The following AKAP7 variants were observed in gnomAD, a reference collection of about 807,000 sequenced individuals.
AKAP7 encodes the protein A-kinase anchoring protein 7, also known as A kinase (PRKA) anchor protein 7.
Under a neutral mutation model 39.5 loss-of-function variants are expected in AKAP7, and 39 were observed. The observed-to-expected ratio is 0.99, with a 90% CI of 0.76 to 1.29. AKAP7 has a LOEUF of 1.29. AKAP7 is among the 50% of genes most tolerant of loss of function. The pLI, the probability that AKAP7 is intolerant of heterozygous loss-of-function variation, is 0.00. For missense variants in AKAP7, 414 were observed against 407.7 expected, an observed-to-expected ratio of 1.02 and a Z score of -0.13; for synonymous variants, 140 against 139.1, an observed-to-expected ratio of 1.01 and a Z score of -0.05.
chr6:131,235,719 G>T (rs1243488980), intron 7 of AKAP7, among the ~76,000 whole-genome samples: 1 of 152,158 alleles, frequency 6.6e-6, no homozygotes, highest in East Asian at 1.9e-4. Context: ...TTTGAGAAGT[G>T]CCTGTTCATG....
At chr6:131,145,566 TGAG>T in intron 2 of AKAP7, 150 bp downstream of exon 2, 1 of 496,738 alleles carries the variant, frequency 2.0e-6, no homozygotes, top group Non-Finnish European at 3.0e-6. Flanking sequence ...TCTAGTTTTT[TGAG>T]ACACAGTCTT....
chr6:131,193,578 G>A (rs1366784016), intron 5 of AKAP7, among the ~76,000 whole-genome samples: 1 of 152,102 alleles, frequency 6.6e-6, no homozygotes, highest in Non-Finnish European at 1.5e-5. Context: ...TGTAGAATGA[G>A]TTTGGAAGTA....
intron 7 of AKAP7, among the ~76,000 whole-genome samples, chr6:131,268,730 A>G (rs1318566808): frequency 1.3e-5 from 2 of 152,238 alleles, no homozygotes; most frequent in East Asian, 3.8e-4. Context: ...TAATCAGCCT[A>G]TAAAGAAAAG....
Position 131,135,749 on chromosome 6 carries a change from G to C in AKAP7, c.-15G>C. ...TGCCGCCAGCCCAGACGCGCCGCCCGCATGCGCCGCGACCATGGAGCGCCC... is the reference window on the plus strand; with the variant it reads ...TGCCGCCAGCCCAGACGCGCCGCCCCCATGCGCCGCGACCATGGAGCGCCC... On this transcript the variant is annotated 5_prime_UTR_variant, in exon 1 of 8. Transcript: ENST00000431975. 4.9e-6 allele frequency: 6 copies of C among 1,225,524 alleles called. No homozygotes were observed. The highest frequency in any genetic ancestry group is 6.1e-6 in the Non-Finnish European group (6 of 985,802). 75.9% of individuals were successfully genotyped at this position (1,225,524 alleles called of 1,614,324 possible).
At chr6:131,205,054 G>C (rs976915670) in intron 6 of AKAP7, among the ~76,000 whole-genome samples, 1 of 152,090 alleles carries the variant, frequency 6.6e-6, no homozygotes, top group Non-Finnish European at 1.5e-5. Context: ...GGTAAAAAGG[G>C]GTGTGCTGTG....
intron 6 of AKAP7, among the ~76,000 whole-genome samples, chr6:131,218,035 CTGTG>C (rs1218312027): frequency 7.2e-5 from 11 of 152,046 alleles, no homozygotes; most frequent in African/African-American, 2.2e-4. Context: ...ATGATAATGA[CTGTG>C]TGTATGTGTG....
At chr6:131,173,217 GAAAA>G in intron 5 of AKAP7, among the ~76,000 whole-genome samples, 1 of 141,194 alleles carries the variant, frequency 7.1e-6, no homozygotes, top group East Asian at 2.1e-4. Flanking sequence ...AAAAAAAAAA[GAAAA>G]AAGAAAAAAT....
chr6:131,239,152 T>C (rs1043013632), intron 7 of AKAP7, among the ~76,000 whole-genome samples: 7 of 152,142 alleles, frequency 4.6e-5, no homozygotes, highest in Non-Finnish European at 1.0e-4. Flanking sequence ...GATTTTATTT[T>C]TCCTTCACTT....
At chr6:131,191,207 C>A (rs1302676264) in intron 5 of AKAP7, among the ~76,000 whole-genome samples, 1 of 152,084 alleles carries the variant, frequency 6.6e-6, no homozygotes, top group Non-Finnish European at 1.5e-5. Context: ...CATAAGACAT[C>A]GCTAATATTT....
At chr6:131,226,679 T>C (rs1245014398) in intron 7 of AKAP7, among the ~76,000 whole-genome samples, 2 of 152,238 alleles carry the variant, frequency 1.3e-5, no homozygotes, top group Non-Finnish European at 2.9e-5. Flanking sequence ...ATGAGCAATT[T>C]AGTGCTTGCA....
chr6:131,224,754 TTTTTTG>T (rs1810014306), intron 7 of AKAP7, among the ~76,000 whole-genome samples: 1 of 141,236 alleles, frequency 7.1e-6, no homozygotes, highest in Non-Finnish European at 1.5e-5. Context: ...TTTTTTTTTT[TTTTTTG>T]AGACAGAGTC....
chr6:131,251,081 T>C (rs1241028635), intron 7 of AKAP7, among the ~76,000 whole-genome samples: 2 of 152,246 alleles, frequency 1.3e-5, no homozygotes, highest in Admixed American at 6.5e-5. Context: ...GATATTTTCA[T>C]GTGTCCCCTG....
chr6:131,159,983 A>G lies in AKAP7; in HGVS notation c.152-76A>G, dbSNP rs1802795010. The G allele has an allele frequency of 9.9e-6, 13 of 1,308,128 alleles. No individual in the cohort carries two copies. The East Asian group carries it at 3.0e-4, about 30-fold the overall frequency. 81.0% of individuals were successfully genotyped at this position (1,308,128 alleles called of 1,614,324 possible). On this transcript the variant is annotated intron_variant, in intron 2 of 7. Coordinates refer to ENST00000431975, the MANE Select transcript of AKAP7 (RefSeq NM_016377.4). The stretch of plus-strand genomic sequence containing the variant: ...ACTGATGAATGATTGCTACTTATAT[A>G]TTGCTTGTTTTTTTTTCTGACTGTA...
At chr6:131,274,536 C>T (rs1814580535) in intron 7 of AKAP7, among the ~76,000 whole-genome samples, 1 of 151,952 alleles carries the variant, frequency 6.6e-6, no homozygotes, top group Admixed American at 6.6e-5. Flanking sequence ...TGTGGTCTCA[C>T]TATGTTGCTC....
intron 5 of AKAP7, among the ~76,000 whole-genome samples, chr6:131,197,750 C>T (rs1807078842): frequency 6.6e-6 from 1 of 152,112 alleles, no homozygotes; most frequent in African/African-American, 2.4e-5. Flanking sequence ...CATGTCTCTA[C>T]TTGTTGGGGT....
At chr6:131,206,158 G>T (rs1808077365) in intron 6 of AKAP7, among the ~76,000 whole-genome samples, 1 of 152,186 alleles carries the variant, frequency 6.6e-6, no homozygotes, top group African/African-American at 2.4e-5. Context: ...AAAAATAAAT[G>T]TGATCGCCTA....
intron 2 of AKAP7, among the ~76,000 whole-genome samples, chr6:131,151,907 T>C (rs1043945692): frequency 1.3e-5 from 2 of 152,224 alleles, no homozygotes; most frequent in Non-Finnish European, 2.9e-5. Flanking sequence ...TAAGAGTAAG[T>C]GTGAAAACAG....
intron 2 of AKAP7, among the ~76,000 whole-genome samples, chr6:131,156,977 G>T (rs907768008): frequency 6.6e-6 from 1 of 151,872 alleles, no homozygotes; most frequent in Non-Finnish European, 1.5e-5. Flanking sequence ...GGGTTTCACC[G>T]TGTTAGCCAG....
At chr6:131,245,438 G>T (rs1465031381) in intron 7 of AKAP7, among the ~76,000 whole-genome samples, 1 of 148,534 alleles carries the variant, frequency 6.7e-6, no homozygotes, top group Non-Finnish European at 1.5e-5. Flanking sequence ...TTTTGTTTTT[G>T]GTTTTTTTTT....
Sources: gnomAD v4.1 joint callset for allele counts (sites outside exome capture counted in the v4.1 genomes callset) on GRCh38, gnomAD v4.1.1 for gene constraint, MANE v1.5 for transcripts, NCBI Gene and HGNC (gene_info 2026-07-23, HGNC 2026-07-21) for gene names.